The following IPO5 variants were observed in gnomAD, a reference collection of about 807,000 sequenced individuals.
IPO5 encodes the protein importin-5.
In IPO5, 18 loss-of-function variants were observed where a neutral mutation model predicts 143.3. The ratio of observed to expected loss-of-function variants is 0.13; its 90% confidence interval spans 0.09 to 0.19. The LOEUF (loss-of-function observed/expected upper bound fraction) is 0.19, where lower values mean the gene tolerates loss of function less well. Among genes scored for constraint, IPO5 ranks in the 10% least tolerant of loss-of-function variants. The probability of loss-of-function intolerance (pLI) is 1.00; values close to 1 mark genes in which losing one functional copy is unlikely to be tolerated. For synonymous variants in IPO5, 477 were observed against 465.7 expected, an observed-to-expected ratio of 1.02 and a Z score of -0.31; for missense variants, 1,013 against 1,336.9, an observed-to-expected ratio of 0.76 and a Z score of 3.78.
rs1438188731 is a variant in IPO5 at position 98,002,463 on chromosome 13, G to A, written c.1109-4G>A. Reference sequence around the variant, plus strand: ...GCTATTCCATCTGTAATTTTTTTCGGTAGCTGACTGGAAATACCGGCATGC... The same window carrying A: ...GCTATTCCATCTGTAATTTTTTTCGATAGCTGACTGGAAATACCGGCATGC... On this transcript the variant is annotated splice_region_variant and splice_polypyrimidine_tract_variant and intron_variant, in intron 13 of 28. Coordinates refer to ENST00000651721, the MANE Select transcript of IPO5 (RefSeq NM_002271.6). The A allele has an allele frequency of 1.2e-6, 2 of 1,611,788 alleles. No individual in the cohort carries two copies. Among genetic ancestry groups the A allele is most frequent in the Non-Finnish European group, 1.7e-6 (2 of 1,179,340 alleles).
Position 98,018,488 on chromosome 13 carries a change from C to T in IPO5, c.2620C>T (p.Pro874Ser), listed in dbSNP as rs751988983. The change falls in exon 26 of 29, where the codon CCA becomes TCA. Residue 874 changes from proline to serine, a missense_variant. By Grantham distance (74) the Pro-to-Ser change is moderately conservative (BLOSUM62 -1). Coordinates refer to ENST00000651721, the MANE Select transcript of IPO5 (RefSeq NM_002271.6). ...LLPLIVNLIC[P>S]HRPWPDRQWG... ...TAAAAGAGAATTTCTTTTGTAGTGT[C>T]CACATAGACCATGGCCAGACAGACA... 1 of 1,610,758 alleles carries T rather than the reference C, an allele frequency of 6.2e-7. No individual in the cohort carries two copies. Among genetic ancestry groups the T allele is most frequent in the South Asian group, 1.1e-5 (1 of 90,924 alleles).
chr13:97,965,959 T>C (rs1201237523), intron 2 of IPO5, among the ~76,000 whole-genome samples: 1 of 151,834 alleles, frequency 6.6e-6, no homozygotes, highest in Non-Finnish European at 1.5e-5. Context: ...CTGGCCAACA[T>C]GGTGAAACCC....
rs9582187 is a variant in IPO5 at position 97,956,420 on chromosome 13, T to A, written c.-113+2222T>A. On this transcript the variant is annotated intron_variant, in intron 2 of 28. Coordinates refer to ENST00000651721, the MANE Select transcript of IPO5 (RefSeq NM_002271.6). ...AAGTCAGAAGAAAGTAGGTTGAGCA[T>A]TTTTAATACTAATCTTTTAAATACC... Among the ~76,000 whole-genome samples, 538 of 152,278 alleles carry A rather than the reference T, an allele frequency of 3.5e-3. 4 individuals carry two copies. Among genetic ancestry groups the A allele is most frequent in the African/African-American group, 0.012 (501 of 41,558 alleles).
chr13:98,017,478 T>G (rs984387659), intron 25 of IPO5, among the ~76,000 whole-genome samples: 16 of 152,042 alleles, frequency 1.1e-4, no homozygotes, highest in African/African-American at 3.9e-4. Flanking sequence ...TTTTTGTATT[T>G]TAGTAGAGAT....
intron 5 of IPO5, among the ~76,000 whole-genome samples, chr13:97,984,022 A>G (rs1299588673): frequency 9.2e-6 from 1 of 108,126 alleles, no homozygotes; most frequent in Non-Finnish European, 1.7e-5. Context: ...TCTGTCGCCC[A>G]GGCTGGAGTG....
chr13:97,964,886 G>A (rs1010765837), intron 2 of IPO5, among the ~76,000 whole-genome samples: 2 of 152,056 alleles, frequency 1.3e-5, no homozygotes, highest in African/African-American at 2.4e-5. Flanking sequence ...AAAGACACAT[G>A]CACACGTATG....
intron 27 of IPO5, among the ~76,000 whole-genome samples, chr13:98,020,495 C>G (rs1272021448): frequency 2.0e-5 from 3 of 152,154 alleles, no homozygotes; most frequent in African/African-American, 7.2e-5. Flanking sequence ...CTGAAATGAC[C>G]AGGTCTTAAT....
chr13:98,002,971 A>G lies in IPO5; in HGVS notation c.1431A>G (p.Leu477=), dbSNP rs186104273. ...TTACTGAAGACTGTCCCAAGTCACT[A>G]CTTATTCCATACTTGGATAATTTGG... ...INFTEDCPKS[L]LIPYLDNLVK... The change falls in exon 16 of 29, where the codon CTA becomes CTG. Residue 477 remains leucine (L), a synonymous_variant. Transcript: ENST00000651721. 10 of 1,613,736 alleles carry G rather than the reference A, an allele frequency of 6.2e-6. No homozygotes were observed. Among genetic ancestry groups the G allele is most frequent in the East Asian group, 2.2e-5 (1 of 44,900 alleles).
chr13:97,973,919 T>C (rs1229800771), intron 3 of IPO5, among the ~76,000 whole-genome samples: 1 of 151,734 alleles, frequency 6.6e-6, no homozygotes, highest in Non-Finnish European at 1.5e-5. Context: ...ACTGGAAACA[T>C]TAGCCAGGTG....
rs1888892005 is a variant in IPO5 at position 98,002,482 on chromosome 13, G to A, written c.1124G>A (p.Arg375Gln). ...TTTTCGGTAGCTGACTGGAAATACC[G>A]GCATGCAGGATTGATGGCCTTATCT... is the stretch of plus-strand genomic sequence containing the variant. ...QMLQNPDWKY[R>Q]HAGLMALSAI... is the part of the protein sequence containing the mutation. Residue 375 changes from arginine (R) to glutamine (Q), a missense_variant, in exon 14 of 29, where the codon CGG becomes CAG. Physicochemically the swap from Arg to Gln is conservative, Grantham distance 43 (BLOSUM62 1). This residue lies in a region of IPO5 where 685 missense variants were observed against 994.9 expected (regional missense o/e 0.69). Transcript: ENST00000651721. The A allele has an allele frequency of 3.1e-6, 5 of 1,613,778 alleles. No individual in the cohort carries two copies. Among genetic ancestry groups the A allele is most frequent in the Non-Finnish European group, 4.2e-6 (5 of 1,179,920 alleles).
At chr13:98,009,853 CTA>C (rs1377146638) in intron 18 of IPO5, 26 bp from the exon 19 acceptor site, 1 of 1,517,174 alleles carries the variant, frequency 6.6e-7, no homozygotes, top group African/African-American at 1.4e-5. Flanking sequence ...GTTTTTTAAT[CTA>C]TTTTAATTTT....
At chr13:98,020,901 C>T (rs1279742575) in intron 27 of IPO5, 91 bp from the exon 28 acceptor site, 56 of 1,005,222 alleles carry the variant, frequency 5.6e-5, no homozygotes, top group Non-Finnish European at 7.9e-5. Context: ...TTTCTTCCTA[C>T]TGAATTTAAA....
intron 2 of IPO5, among the ~76,000 whole-genome samples, chr13:97,958,368 C>G (rs984344691): frequency 6.6e-6 from 1 of 152,148 alleles, no homozygotes; most frequent in Non-Finnish European, 1.5e-5. Context: ...TCCTTCTCAT[C>G]TTAATAGCAT....
chr13:98,011,383 T>C (rs1248662268), intron 20 of IPO5, among the ~76,000 whole-genome samples: 2 of 151,992 alleles, frequency 1.3e-5, no homozygotes, highest in East Asian at 1.9e-4. Context: ...CTCCGTCTCC[T>C]GGGTTCAAGT....
In IPO5 at chr13:98,018,652, C is replaced by A. The variant is rs753928603; in HGVS notation, c.2784C>A (p.Gly928=). 3 of 1,614,162 alleles carry A rather than the reference C, an allele frequency of 1.9e-6. No individual in the cohort carries two copies. In the East Asian group the frequency reaches 6.7e-5, roughly 36 times the overall value. ...SPEVRQAAAY[G]LGVMAQYGGD... is the part of the protein sequence containing the mutation. Reference sequence around the variant, plus strand: ...AAGTCAGGCAAGCAGCTGCATATGGCCTGGGAGTCATGGCACAGTACGGTG... The same window carrying A: ...AAGTCAGGCAAGCAGCTGCATATGGACTGGGAGTCATGGCACAGTACGGTG... The change falls in exon 26 of 29, where the codon GGC becomes GGA. Residue 928 remains glycine, a synonymous_variant. Coordinates refer to ENST00000651721, the MANE Select transcript of IPO5 (RefSeq NM_002271.6).
chr13:97,992,080 TC>T (rs1280019765), intron 9 of IPO5, among the ~76,000 whole-genome samples: 2 of 152,178 alleles, frequency 1.3e-5, no homozygotes, highest in Non-Finnish European at 2.9e-5. Flanking sequence ...GAAACTTCTC[TC>T]CCCCTGCTAT....
At chr13:97,970,168 T>TA (rs1270424976) in intron 3 of IPO5, among the ~76,000 whole-genome samples, 4 of 152,034 alleles carry the variant, frequency 2.6e-5, no homozygotes, top group East Asian at 1.9e-4. Context: ...TTTTAACAAG[T>TA]AAAAAAAAGT....
rs760943441 is a variant in IPO5, at chr13:98,018,726, C to T, written c.2836+22C>T. On this transcript the variant is annotated intron_variant, in intron 26 of 28. Transcript: ENST00000651721. The stretch of plus-strand genomic sequence containing the variant: ...ACAGGTACGTTTGCTTATTCCGTTA[C>T]GTGCATTTCATTCCAGACATCCTGT... 1.2e-5 allele frequency: 19 copies of T among 1,555,188 alleles called. No individual in the cohort carries two copies. The East Asian group carries it at 2.5e-4, about 20-fold the overall frequency.
In IPO5 at chr13:98,002,570, T is replaced by C. The variant is rs1348926411; in HGVS notation, c.1212T>C (p.Val404=). The change falls in exon 14 of 29, where the codon GTT becomes GTC. Residue 404 remains valine, a synonymous_variant. Transcript: ENST00000651721. ...TTCTAAATGAGATCGTAAATTTTGT[T>C]TTACTTTTTCTCCAGGATCCTGTAA... The part of the protein sequence containing the change: ...EGILNEIVNF[V]LLFLQDPHPR... 6.2e-7 allele frequency: 1 copy of C among 1,613,946 alleles called. No individual in the cohort carries two copies. Among genetic ancestry groups the C allele is most frequent in the African/African-American group, 1.3e-5 (1 of 74,930 alleles).
Sources: gnomAD v4.1 joint callset for allele counts (sites outside exome capture counted in the v4.1 genomes callset) on GRCh38, gnomAD v4.1.1 for gene constraint, gnomAD v4.1.1 regional missense constraint, MANE v1.5 for transcripts, NCBI Gene and HGNC (gene_info 2026-07-23, HGNC 2026-07-21) for gene names.